Variants in LRRIQ3 observed in about 807,000 individuals in gnomAD.
LRRIQ3 encodes the protein leucine rich repeats and IQ motif containing 3, also known as leucine-rich repeat and IQ domain-containing protein 3.
A neutral mutation model predicts 59.3 loss-of-function variants in LRRIQ3; 75 were observed. That is an observed-to-expected ratio of 1.26 (90% CI 1.05 to 1.53). The LOEUF (loss-of-function observed/expected upper bound fraction) is 1.53. LRRIQ3 is among the 40% of genes most tolerant of loss of function. The pLI, the probability that LRRIQ3 is intolerant of heterozygous loss-of-function variation, is 0.00. For missense variants in LRRIQ3, 831 were observed against 710.0 expected, an observed-to-expected ratio of 1.17 and a Z score of -1.94; for synonymous variants, 250 against 231.3, an observed-to-expected ratio of 1.08 and a Z score of -0.73.
At chr1:74,100,255 C>T (rs1337219910) in intron 5 of LRRIQ3, among the ~76,000 whole-genome samples, 1 of 152,100 alleles carries the variant, frequency 6.6e-6, no homozygotes, top group Non-Finnish European at 1.5e-5. Context: ...CATTCCTATG[C>T]ACCAATAACA....
chr1:74,071,313 T>C (rs1655022722), intron 6 of LRRIQ3, among the ~76,000 whole-genome samples: 1 of 152,088 alleles, frequency 6.6e-6, no homozygotes, highest in Non-Finnish European at 1.5e-5. Context: ...ATTACAGGCA[T>C]GAGCCACTGT....
intron 4 of LRRIQ3, among the ~76,000 whole-genome samples, chr1:74,113,430 C>A (rs34093240): frequency 0.31 from 46,545 of 151,860 alleles, 7,931 homozygotes; most frequent in Middle Eastern, 0.45. Flanking sequence ...CCAAGAAGTC[C>A]AATGAATGTA....
intron 1 of LRRIQ3, among the ~76,000 whole-genome samples, chr1:74,195,378 A>T: frequency 6.6e-6 from 1 of 152,132 alleles, no homozygotes; most frequent in East Asian, 1.9e-4. Context: ...CAACTTCCTC[A>T]TATAAAGAAG....
intron 5 of LRRIQ3, among the ~76,000 whole-genome samples, chr1:74,075,920 AG>A (rs1451284251): frequency 6.6e-6 from 1 of 152,198 alleles, no homozygotes; most frequent in African/African-American, 2.4e-5. Flanking sequence ...AAATGACAAA[AG>A]GACACAGGCC....
At chr1:74,052,295 G>T (rs1052647759) in intron 6 of LRRIQ3, among the ~76,000 whole-genome samples, 1 of 152,038 alleles carries the variant, frequency 6.6e-6, no homozygotes, top group African/African-American at 2.4e-5. Context: ...ATAGTAGTTA[G>T]GGTGAAAAAC....
At position 74,063,100 on chromosome 1, in the gene LRRIQ3, AAAAC is replaced by A. The variant is rs934546061; in HGVS notation, c.997+11557_997+11560del. ...AAAAAAAATCAAAACAAAACAAAAC[AAAAC>A]AAAAAACCCCAAAACCAAACAACAA... On this transcript the variant is annotated intron_variant, in intron 6 of 7. Transcript: ENST00000354431. Among the ~76,000 whole-genome samples, 7 of 151,938 alleles carry A rather than the reference AAAAC, an allele frequency of 4.6e-5. No individual in the cohort carries two copies. The Admixed American group carries it at 4.6e-4, about 10-fold the overall frequency.
intron 4 of LRRIQ3, among the ~76,000 whole-genome samples, chr1:74,116,300 A>C (rs765540131): frequency 1.3e-5 from 2 of 152,046 alleles, no homozygotes; most frequent in Non-Finnish European, 2.9e-5. Context: ...GTTCTTTTGT[A>C]ACTTTGGAAA....
intron 7 of LRRIQ3, among the ~76,000 whole-genome samples, chr1:74,027,726 C>A (rs74637079): frequency 6.6e-6 from 1 of 152,070 alleles, no homozygotes; most frequent in Non-Finnish European, 1.5e-5. Context: ...TTCATTCATC[C>A]TTATTTATTC....
intron 4 of LRRIQ3, among the ~76,000 whole-genome samples, chr1:74,124,726 T>A (rs1204693848): frequency 6.6e-6 from 1 of 151,996 alleles, no homozygotes; most frequent in Non-Finnish European, 1.5e-5. Flanking sequence ...ATATGTCTGT[T>A]TTTAGAACAG....
chr1:74,121,576 A>G (rs567444539), intron 4 of LRRIQ3, among the ~76,000 whole-genome samples: 2 of 151,864 alleles, frequency 1.3e-5, no homozygotes, highest in South Asian at 4.1e-4. Context: ...AGATCTTCTC[A>G]TTACTTTTCT....
At position 74,026,936 on chromosome 1, in the gene LRRIQ3, T is replaced by C. The variant is rs1389419714; in HGVS notation, c.1752A>G (p.Glu584=). The C allele has an allele frequency of 6.3e-7, 1 of 1,582,768 alleles. No individual in the cohort carries two copies. Among genetic ancestry groups the C allele is most frequent in the Admixed American group, 1.8e-5 (1 of 57,046 alleles). ...AGGCAATCATATCCATAACAAATTT[T>C]TCTTCACAATGTCTTTTATATATTT... is the stretch of plus-strand genomic sequence containing the variant. The part of the protein sequence containing the change: ...SQEIYKRHCE[E]KFVMDMIAFE... Residue 584 remains glutamate (E), a synonymous_variant, in exon 8 of 8, where the codon GAA becomes GAG. Coordinates refer to ENST00000354431, the MANE Select transcript of LRRIQ3 (RefSeq NM_001105659.2).
At chr1:74,134,002 G>A (rs145402933) in intron 4 of LRRIQ3, among the ~76,000 whole-genome samples, 1 of 151,798 alleles carries the variant, frequency 6.6e-6, no homozygotes, top group African/African-American at 2.4e-5. Context: ...TTTGATTCAA[G>A]TATTATTTAT....
At chr1:74,114,274 A>G (rs922653427) in intron 4 of LRRIQ3, among the ~76,000 whole-genome samples, 5 of 152,140 alleles carry the variant, frequency 3.3e-5, no homozygotes, top group African/African-American at 1.2e-4. Flanking sequence ...TAATGTAACA[A>G]TTATAGTCAC....
chr1:74,158,494 G>T (rs1648475916), intron 3 of LRRIQ3, among the ~76,000 whole-genome samples: 1 of 151,992 alleles, frequency 6.6e-6, no homozygotes, highest in Non-Finnish European at 1.5e-5. Flanking sequence ...CTTTTTCAAT[G>T]ATTTGTCTCA....
At chr1:74,049,486 G>A (rs1435639423) in intron 6 of LRRIQ3, among the ~76,000 whole-genome samples, 1 of 152,080 alleles carries the variant, frequency 6.6e-6, no homozygotes, top group East Asian at 1.9e-4. Flanking sequence ...GAAAGATTTG[G>A]CATATGTTTT....
intron 5 of LRRIQ3, among the ~76,000 whole-genome samples, chr1:74,076,942 C>T (rs1646216451): frequency 6.6e-6 from 1 of 152,062 alleles, no homozygotes; most frequent in Admixed American, 6.6e-5. Flanking sequence ...TAAGCTCATA[C>T]ATTCTCTTTA....
chr1:74,040,781 G>C (rs188050369), intron 7 of LRRIQ3, among the ~76,000 whole-genome samples: 1 of 152,186 alleles, frequency 6.6e-6, no homozygotes, highest in African/African-American at 2.4e-5. Flanking sequence ...CTGGGACACA[G>C]CTAAAGCAGT....
chr1:74,038,834 A>G (rs1228313456), intron 7 of LRRIQ3, among the ~76,000 whole-genome samples: 4 of 152,218 alleles, frequency 2.6e-5, no homozygotes, highest in Non-Finnish European at 4.4e-5. Context: ...GCAGCCTCAA[A>G]CATCAAAACT....
chr1:74,153,788 G>A (rs1157012327), intron 4 of LRRIQ3, among the ~76,000 whole-genome samples: 1 of 124,844 alleles, frequency 8.0e-6, no homozygotes, highest in East Asian at 1.9e-4. Flanking sequence ...TAAACAAATA[G>A]AAAGCCACTG....
Sources: allele counts gnomAD v4.1 joint callset (sites outside exome capture counted in the v4.1 genomes callset), GRCh38; gene constraint gnomAD v4.1.1; transcripts MANE v1.5; gene names NCBI Gene and HGNC (gene_info 2026-07-23, HGNC 2026-07-21).